The following MYH7 variants were observed in gnomAD, a reference collection of about 807,000 sequenced individuals.
The protein encoded by MYH7 is myosin-7.
MYH7 carries 129 observed loss-of-function variants against 225.4 expected under a neutral mutation model. The observed-to-expected ratio is 0.57, with a 90% confidence interval of 0.50 to 0.66. The LOEUF (loss-of-function observed/expected upper bound fraction) is 0.66. Among genes scored for constraint, MYH7 ranks in the 30% least tolerant of loss-of-function variants. The pLI, the probability that MYH7 is intolerant of heterozygous loss-of-function variation, is 0.00. For missense variants in MYH7, 1,649 were observed against 2,517.0 expected, an observed-to-expected ratio of 0.66 and a Z score of 7.38; for synonymous variants, 971 against 1,007.6, an observed-to-expected ratio of 0.96 and a Z score of 0.69.
At chr14:23,413,914 A>G (rs1281883139) in intron 38 of MYH7, 21 bp from the exon 39 acceptor site, 3 of 1,614,182 alleles carry the variant, frequency 1.9e-6, no homozygotes, top group Non-Finnish European at 2.5e-6. Context: ...TGGGAGCATG[A>G]GGTGAGAGGG....
rs61677533 is a variant in MYH7, at chr14:23,423,436, AAC to A, written c.3099+109_3099+110del. ...CTACCCCCCTCTAAACATAAACACAAACACACACACACACACACACACACACA... is the reference window on the plus strand; with the variant it reads ...CTACCCCCCTCTAAACATAAACACAAACACACACACACACACACACACACA... On this transcript the variant is annotated intron_variant, in intron 24 of 39. Coordinates refer to ENST00000355349, the MANE Select transcript of MYH7 (RefSeq NM_000257.4). 144,665 of 809,188 alleles carry A rather than the reference AAC, an allele frequency of 0.18. 3,111 individuals carry two copies. Among genetic ancestry groups the A allele is most frequent in the East Asian group, 0.23 (8,445 of 36,870 alleles). The allele number at this position is 809,188 out of a possible 1,614,324, so 50.1% of individuals were successfully genotyped here.
chr14:23,430,038 A>G, intron 11 of MYH7, 125 bp from the exon 12 acceptor site: 1 of 1,124,512 alleles, frequency 8.9e-7, no homozygotes, highest in Non-Finnish European at 1.3e-6. Flanking sequence ...TCCCATACCC[A>G]GTGGGGAGCT....
chr14:23,422,802 T>C (rs1892535697), intron 24 of MYH7, among the ~76,000 whole-genome samples: 2 of 152,162 alleles, frequency 1.3e-5, no homozygotes, highest in South Asian at 2.1e-4. Context: ...AGCTAATTTT[T>C]GTATTTTTAG....
Position 23,425,676 on chromosome 14 carries a change from A to G in MYH7, c.2286+19T>C. On this transcript the variant is annotated intron_variant, in intron 20 of 39. Transcript: ENST00000355349. The surrounding 1 kb of genome is among the most constrained non-coding windows in gnomAD (Gnocchi z 4.6). Reference sequence around the variant, plus strand: ...GAAAAGAGATGTCTTCCTTTAATTAATTAGTCTCCTTTCCTCACCTTGGTG... The same window carrying G: ...GAAAAGAGATGTCTTCCTTTAATTAGTTAGTCTCCTTTCCTCACCTTGGTG... 1 of 1,613,956 alleles carries G rather than the reference A, an allele frequency of 6.2e-7. No homozygotes were observed.
In MYH7 at chr14:23,427,297, C is replaced by T. The variant is rs755409704; in HGVS notation, c.1899G>A (p.Lys633=). 3 of 1,614,122 alleles carry T rather than the reference C, an allele frequency of 1.9e-6. No homozygotes were observed. Among genetic ancestry groups the T allele is most frequent in the African/African-American group, 2.7e-5 (2 of 75,024 alleles). The change falls in exon 17 of 40, where the codon AAG becomes AAA. Residue 633 remains lysine, a synonymous_variant. Transcript: ENST00000355349. ...AGCCTTTCTTGGCCTTGCCTTTGCCCTTCTCAATAGCTGCAGGAAGGAGAG... is the reference window on the plus strand; with the variant it reads ...AGCCTTTCTTGGCCTTGCCTTTGCCTTTCTCAATAGCTGCAGGAAGGAGAG... ...NYAGADAPIE[K]GKGKAKKGSS...
intron 5 of MYH7, 57 bp downstream of exon 5, chr14:23,432,582 C>A: frequency 6.2e-7 from 1 of 1,614,180 alleles, no homozygotes; most frequent in Non-Finnish European, 8.5e-7. Flanking sequence ...TTCCTTCTCC[C>A]TCTCCCTCCC....
chr14:23,433,298 T>G lies in MYH7; in HGVS notation c.202-71A>C. 6.2e-7 allele frequency: 1 copy of G among 1,608,110 alleles called. No homozygotes were observed. The highest frequency in any genetic ancestry group is 8.5e-7 in the Non-Finnish European group (1 of 1,176,088). ...CTCCTTCCTCAAGAGGGTTAGGAGT[T>G]GGTGAGTGACAGGGCAATAGTGCTC... On this transcript the variant is annotated intron_variant, in intron 3 of 39. Transcript: ENST00000355349. This position sits in a 1 kb window ranked among gnomAD's most constrained non-coding sequence, Gnocchi z 4.1.
Position 23,417,646 on chromosome 14 carries a change from C to A in MYH7, c.4210G>T (p.Val1404Leu). The A allele has an allele frequency of 6.2e-7, 1 of 1,613,050 alleles. No homozygotes were observed. Among genetic ancestry groups the A allele is most frequent in the Non-Finnish European group, 8.5e-7 (1 of 1,180,046 alleles). ...GAGCACTTGGCATTAACAGCCTCCACGGCCTCCTCAGCTTCCTGCAGCCGC... is the reference window on the plus strand; with the variant it reads ...GAGCACTTGGCATTAACAGCCTCCAAGGCCTCCTCAGCTTCCTGCAGCCGC... Reference protein sequence around the residue: ...AQRLQEAEEAVEAVNAKCSSL... With the variant: ...AQRLQEAEEALEAVNAKCSSL... Residue 1404 changes from valine to leucine, a missense_variant, in exon 31 of 40, where the codon GTG becomes TTG. Val to Leu is a conservative substitution (Grantham distance 32). This residue lies in a region of MYH7 where 687 missense variants were observed against 913.8 expected (regional missense o/e 0.75). Transcript: ENST00000355349.
At position 23,420,157 on chromosome 14, in the gene MYH7, G is replaced by A. The variant is rs1566527962; in HGVS notation, c.3414C>T (p.Asp1138=). The change falls in exon 27 of 40, where the codon GAC becomes GAT. Residue 1138 remains aspartate (D), a synonymous_variant. Transcript: ENST00000355349. Reference sequence around the variant, plus strand: ...TGATCTCCTCCAGCTCCCGAGACAGGTCTGAGCGCAGCTTCTCCACCTTAG... The same window carrying A: ...TGATCTCCTCCAGCTCCCGAGACAGATCTGAGCGCAGCTTCTCCACCTTAG... The part of the protein sequence containing the change: ...ARAKVEKLRS[D]LSRELEEISE... The A allele has an allele frequency of 6.2e-7, 1 of 1,603,854 alleles. No homozygotes were observed. Among genetic ancestry groups the A allele is most frequent in the South Asian group, 1.1e-5 (1 of 90,050 alleles).
Position 23,417,668 on chromosome 14 carries a change from C to A in MYH7, c.4188G>T (p.Arg1396=), listed in dbSNP as rs200852418. Residue 1396 remains arginine, a synonymous_variant, in exon 31 of 40, where the codon CGG becomes CGT. Transcript: ENST00000355349. ...CCACGGCCTCCTCAGCTTCCTGCAG[C>A]CGCTGGGCCAGCTTCTTCCTGCCCA... ...LEEAKKKLAQ[R]LQEAEEAVEA... The A allele has an allele frequency of 6.0e-5, 96 of 1,612,862 alleles. No homozygotes were observed. The highest frequency in any genetic ancestry group is 8.0e-5 in the Non-Finnish European group (94 of 1,180,044).
At position 23,432,043 on chromosome 14, in the gene MYH7, G is replaced by A. The variant is rs7151241; in HGVS notation, c.531-174C>T. On this transcript the variant is annotated intron_variant, in intron 6 of 39. Transcript: ENST00000355349. Reference sequence around the variant, plus strand: ...TTCTGATGCACAGAGGTCAGGGCTGGCACCAGGAAGGATGCCACCAGAAGG... The same window carrying A: ...TTCTGATGCACAGAGGTCAGGGCTGACACCAGGAAGGATGCCACCAGAAGG... 0.2 allele frequency among the ~76,000 whole-genome samples: 30,083 copies of A among 152,198 alleles called. 5,626 individuals are homozygous for A. Among genetic ancestry groups the A allele is most frequent in the African/African-American group, 0.5 (20,763 of 41,492 alleles).
intron 4 of MYH7, 132 bp downstream of exon 4, chr14:23,432,952 A>T (rs1197723217): frequency 8.6e-6 from 13 of 1,515,538 alleles, no homozygotes; most frequent in Non-Finnish European, 1.1e-5. Flanking sequence ...GTTGGAATTG[A>T]ACCAAGGATG....
In MYH7 at chr14:23,425,107, C is replaced by T. The variant is rs545064568; in HGVS notation, c.2424-83G>A. On this transcript the variant is annotated intron_variant, in intron 21 of 39. Coordinates refer to ENST00000355349, the MANE Select transcript of MYH7 (RefSeq NM_000257.4). The surrounding 1 kb of genome is among the most constrained non-coding windows in gnomAD (Gnocchi z 4.6). Reference sequence around the variant, plus strand: ...CTGAAACCTTGGGAATATCCCATTTCCTTCATCCCTCCCACCCTTCCTGAG... The same window carrying T: ...CTGAAACCTTGGGAATATCCCATTTTCTTCATCCCTCCCACCCTTCCTGAG... 80 of 1,610,686 alleles carry T rather than the reference C, an allele frequency of 5.0e-5. No individual in the cohort carries two copies. Among genetic ancestry groups the T allele is most frequent in the Middle Eastern group, 1.7e-4 (1 of 5,932 alleles).
chr14:23,434,311 C>T, intron 1 of MYH7, 62 bp from the exon 2 acceptor site: 1 of 974,984 alleles, frequency 1.0e-6, no homozygotes, highest in Non-Finnish European at 1.2e-6. Flanking sequence ...GTCCCACCTT[C>T]CTGCTTCTCC....
At chr14:23,430,820 A>C (rs1892899600) in intron 10 of MYH7, 81 bp downstream of exon 10, 1 of 1,316,230 alleles carries the variant, frequency 7.6e-7, no homozygotes, top group Admixed American at 1.7e-5. Flanking sequence ...AACCCAGGGC[A>C]TGCCAGCTGA....
intron 29 of MYH7, 135 bp downstream of exon 29, chr14:23,419,042 C>T: frequency 3.4e-6 from 3 of 870,292 alleles, no homozygotes; most frequent in Non-Finnish European, 3.9e-6. Flanking sequence ...AGGGTTTGGG[C>T]TGTGATTTCT....
In MYH7 at chr14:23,417,192, G is replaced by A; in HGVS notation, c.4480C>T (p.His1494Tyr). 6.2e-7 allele frequency: 1 copy of A among 1,614,170 alleles called. No homozygotes were observed. The highest frequency in any genetic ancestry group is 8.5e-7 in the Non-Finnish European group (1 of 1,180,032). The change falls in exon 32 of 40, where the codon CAT becomes TAT. Residue 1494 changes from histidine to tyrosine, a missense_variant. Coordinates refer to ENST00000355349, the MANE Select transcript of MYH7 (RefSeq NM_000257.4). ...TTCTCCCGCTTGAAGGTCTCCAGAT[G>A]TTCCAGGGACTCCTCATAGGCGTTC... ...LKNAYEESLE[H>Y]LETFKRENKN...
intron 39 of MYH7, 118 bp from the exon 40 acceptor site, chr14:23,412,989 G>A (rs565665671): frequency 1.8e-4 from 178 of 996,204 alleles, no homozygotes; most frequent in African/African-American, 1.6e-3. Context: ...GTGGGCAGGT[G>A]GAAGCCCCTG....
chr14:23,435,197 A>G (rs985513045), intron 1 of MYH7, among the ~76,000 whole-genome samples: 1 of 152,010 alleles, frequency 6.6e-6, no homozygotes. Flanking sequence ...GAATCACATG[A>G]AGGCATACAC....
Sources: gnomAD v4.1 joint callset for allele counts (sites outside exome capture counted in the v4.1 genomes callset) on GRCh38, gnomAD v4.1.1 for gene constraint, gnomAD v4.1.1 regional missense constraint, Gnocchi (gnomAD v3.1) non-coding constraint, MANE v1.5 for transcripts, NCBI Gene and HGNC (gene_info 2026-07-23, HGNC 2026-07-21) for gene names.